COL4A1: variants seen among roughly 807,000 people sequenced by gnomAD.
COL4A1 encodes collagen alpha-1(IV) chain.
Under a neutral mutation model 216.6 loss-of-function variants are expected in COL4A1, and 40 were observed. That is an observed-to-expected ratio of 0.18 (90% CI 0.14 to 0.24). The LOEUF is 0.24. COL4A1 is among the 10% of genes least tolerant of loss of function. The pLI is 1.00. For missense variants in COL4A1, 1,628 were observed against 2,196.8 expected (o/e 0.74, Z 5.18); for synonymous variants, 839 against 810.7 (o/e 1.03, Z -0.59).
At chr13:110,159,370 A>G (rs1017795546) in intron 49 of COL4A1, among the ~76,000 whole-genome samples, 2 of 152,226 alleles carry the variant, frequency 1.3e-5, no homozygotes, top group South Asian at 2.1e-4. Flanking sequence ...CAGAGGAGAT[A>G]CACAGTATGT....
chr13:110,182,174 T>C (rs1594556062), intron 28 of COL4A1, among the ~76,000 whole-genome samples: 1 of 152,184 alleles, frequency 6.6e-6, no homozygotes, highest in African/African-American at 2.4e-5. Context: ...AGGGATGCTC[T>C]GCTGCCCGCC....
intron 6 of COL4A1, among the ~76,000 whole-genome samples, chr13:110,212,199 G>A (rs1879835128): frequency 6.6e-6 from 1 of 152,136 alleles, no homozygotes; most frequent in South Asian, 2.1e-4. Flanking sequence ...GCAATTTTAG[G>A]ATAAAAGTCT....
chr13:110,180,425 AC>A (rs1275426018), intron 29 of COL4A1, among the ~76,000 whole-genome samples: 2 of 151,496 alleles, frequency 1.3e-5, no homozygotes, highest in Non-Finnish European at 2.9e-5. Context: ...TCCGGAAGAA[AC>A]CCCCCTGGGA....
chr13:110,206,148 A>C (rs1879505153), intron 15 of COL4A1, among the ~76,000 whole-genome samples: 1 of 152,238 alleles, frequency 6.6e-6, no homozygotes, highest in Non-Finnish European at 1.5e-5. Context: ...AAGTTTGCCT[A>C]TTGGCAGCTG....
chr13:110,195,646 T>A (rs1193726174), intron 21 of COL4A1, among the ~76,000 whole-genome samples: 1 of 152,336 alleles, frequency 6.6e-6, no homozygotes, highest in Admixed American at 6.5e-5. Flanking sequence ...ATCATTTATG[T>A]AAAGAGGCAT....
intron 2 of COL4A1, among the ~76,000 whole-genome samples, chr13:110,219,688 A>ATGTATATATATGTATATATGTG (rs1555307874): frequency 5.3e-5 from 6 of 114,050 alleles, no homozygotes; most frequent in Admixed American, 2.9e-4. Context: ...GTGTATATAT[A>ATGTATATATATGTATATATGTG]TGTATATATA....
chr13:110,279,353 C>T (rs1883538431), intron 1 of COL4A1, among the ~76,000 whole-genome samples: 1 of 152,186 alleles, frequency 6.6e-6, no homozygotes, highest in Non-Finnish European at 1.5e-5. Flanking sequence ...AGTACTGCTC[C>T]TCCCCACAAT....
intron 2 of COL4A1, among the ~76,000 whole-genome samples, chr13:110,220,944 C>G (rs887343239): frequency 1.3e-5 from 2 of 152,186 alleles, no homozygotes; most frequent in Non-Finnish European, 2.9e-5. Context: ...CAAGCCCTCA[C>G]GATAAGGTCC....
At chr13:110,306,078 G>A (rs973268457) in intron 1 of COL4A1, 4 of 152,106 alleles carry the variant, frequency 2.6e-5, no homozygotes, top group East Asian at 3.9e-4. Context: ...TCTCGGAGGG[G>A]AAGGAAAAAA....
At position 110,199,718 on chromosome 13, in the gene COL4A1, A is replaced by C. The variant is rs1233602075; in HGVS notation, c.1121-1087T>G. ...GCAGCGCAGCGACTTTGGGAGGGGGACGTGGGTAACTCCTCCAGCCAGAGC... is the reference window on the plus strand; with the variant it reads ...GCAGCGCAGCGACTTTGGGAGGGGGCCGTGGGTAACTCCTCCAGCCAGAGC... On this transcript the variant is annotated intron_variant, in intron 20 of 51. Transcript: ENST00000375820. Among the ~76,000 whole-genome samples, 4 of 152,104 alleles carry C rather than the reference A, an allele frequency of 2.6e-5. No individual in the cohort carries two copies. The East Asian group carries it at 7.7e-4, about 29-fold the overall frequency.
Position 110,242,660 on chromosome 13 carries a change from AT to A in COL4A1, c.144+14del. On this transcript the variant is annotated intron_variant, in intron 2 of 51. Coordinates refer to ENST00000375820, the MANE Select transcript of COL4A1 (RefSeq NM_001845.6). Reference sequence around the variant, plus strand: ...TTCACAAAGAAATGTTGTGATTTAAATTTCGGCAACTCACCTTTTGTCCCTT... The same window carrying A: ...TTCACAAAGAAATGTTGTGATTTAAATTCGGCAACTCACCTTTTGTCCCTT... 6.2e-7 allele frequency: 1 copy of A among 1,614,142 alleles called. No individual in the cohort carries two copies. Among genetic ancestry groups the A allele is most frequent in the Non-Finnish European group, 8.5e-7 (1 of 1,179,962 alleles).
At chr13:110,281,023 A>AT (rs1181852542) in intron 1 of COL4A1, among the ~76,000 whole-genome samples, 1 of 152,084 alleles carries the variant, frequency 6.6e-6, no homozygotes, top group East Asian at 1.9e-4. Flanking sequence ...CATGTGTCCC[A>AT]TTTTTTTAGC....
At chr13:110,285,976 T>C (rs961784547) in intron 1 of COL4A1, among the ~76,000 whole-genome samples, 71 of 152,178 alleles carry the variant, frequency 4.7e-4, no homozygotes, top group African/African-American at 1.6e-3. Context: ...GGTTAGACCC[T>C]CTGGAAATGG....
Position 110,175,206 on chromosome 13 carries a change from A to G in COL4A1, c.3198+12T>C. 1 of 1,614,182 alleles carries G rather than the reference A, an allele frequency of 6.2e-7. No homozygotes were observed. The highest frequency in any genetic ancestry group is 1.7e-5 in the Admixed American group (1 of 60,018). ...GGGAGAAGGGGACCTTTCCACGCAG[A>G]GCGCTGGTTACCTTTTCACCTCGCA... is the stretch of plus-strand genomic sequence containing the variant. On this transcript the variant is annotated intron_variant, in intron 37 of 51. Coordinates refer to ENST00000375820, the MANE Select transcript of COL4A1 (RefSeq NM_001845.6).
intron 1 of COL4A1, among the ~76,000 whole-genome samples, chr13:110,248,321 G>C (rs915338517): frequency 6.6e-5 from 10 of 152,162 alleles, no homozygotes; most frequent in Non-Finnish European, 1.0e-4. Context: ...GATTGCGAGC[G>C]GGACATTCCC....
chr13:110,176,757 G>A (rs369077300), intron 34 of COL4A1, 33 bp from the exon 35 acceptor site: 51 of 1,612,830 alleles, frequency 3.2e-5, no homozygotes, highest in South Asian at 6.6e-5. Flanking sequence ...GCAATGACCC[G>A]CATTTGCTTG....
chr13:110,263,038 G>T (rs961316269), intron 1 of COL4A1, among the ~76,000 whole-genome samples: 17 of 152,200 alleles, frequency 1.1e-4, no homozygotes, highest in African/African-American at 3.1e-4. Context: ...CTCCAGAGCA[G>T]GCAGGTAGGT....
intron 1 of COL4A1, among the ~76,000 whole-genome samples, chr13:110,287,753 T>A (rs564553450): frequency 1.3e-5 from 2 of 152,282 alleles, no homozygotes; most frequent in South Asian, 4.1e-4. Flanking sequence ...AGGAAGCACA[T>A]GAGAGCCCAA....
intron 11 of COL4A1, 39 bp from the exon 12 acceptor site, chr13:110,208,929 C>T: frequency 6.3e-7 from 1 of 1,599,774 alleles, no homozygotes; most frequent in Non-Finnish European, 8.6e-7. Flanking sequence ...TTAGATTTGT[C>T]TACTTCGTTC....
Sources: gnomAD v4.1 joint callset for allele counts (sites outside exome capture counted in the v4.1 genomes callset) on GRCh38, gnomAD v4.1.1 for gene constraint, MANE v1.5 for transcripts, NCBI Gene and HGNC (gene_info 2026-07-23, HGNC 2026-07-21) for gene names.